The following LYPD6B variants were observed in gnomAD, a reference collection of about 807,000 sequenced individuals.
The protein encoded by LYPD6B is LY6/PLAUR domain containing 6B, also known as ly6/PLAUR domain-containing protein 6B.
LYPD6B carries 17 observed loss-of-function variants against 22.8 expected under a neutral mutation model. The observed-to-expected ratio is 0.75, with a 90% confidence interval of 0.51 to 1.12. LYPD6B has a LOEUF of 1.12. Among genes scored for constraint, LYPD6B ranks in the 50% most tolerant of loss-of-function variants. The pLI, the probability that LYPD6B is intolerant of heterozygous loss-of-function variation, is 0.00. For synonymous variants in LYPD6B, 106 were observed against 91.6 expected (o/e 1.16, Z -0.90); for missense variants, 221 against 258.3 (o/e 0.86, Z 0.99).
At chr2:149,190,503 A>G (rs1188588542) in intron 3 of LYPD6B, among the ~76,000 whole-genome samples, 1 of 152,218 alleles carries the variant, frequency 6.6e-6, no homozygotes, top group African/African-American at 2.4e-5. Flanking sequence ...AAATTGCTCC[A>G]TAGGGTTTGT....
At chr2:149,118,210 T>C (rs1048165448) in intron 1 of LYPD6B, 1 of 152,210 alleles carries the variant, frequency 6.6e-6, no homozygotes, top group Non-Finnish European at 1.5e-5. Context: ...TACATAGCTG[T>C]GACTACCAGG....
Position 149,200,431 on chromosome 2 carries a change from C to G in LYPD6B, c.78-4822C>G, listed in dbSNP as rs117599307. 8.7e-4 allele frequency among the ~76,000 whole-genome samples: 132 copies of G among 152,156 alleles called. 1 individual carries two copies. The East Asian group carries it at 0.024, about 28-fold the overall frequency. Reference sequence around the variant, plus strand: ...TGTCTTGCTTACTAGCTAAGGCACTCTTTATAGGTCATAGCTAATGAGGTT... The same window carrying G: ...TGTCTTGCTTACTAGCTAAGGCACTGTTTATAGGTCATAGCTAATGAGGTT... On this transcript the variant is annotated intron_variant, in intron 3 of 6. Transcript: ENST00000409642.
At chr2:149,074,285 C>T (rs1013585353) in intron 1 of LYPD6B, among the ~76,000 whole-genome samples, 1 of 152,138 alleles carries the variant, frequency 6.6e-6, no homozygotes, top group Non-Finnish European at 1.5e-5. Context: ...CACACACACA[C>T]ACACGCACAT....
chr2:149,068,289 G>A (rs933072685), intron 1 of LYPD6B, among the ~76,000 whole-genome samples: 8 of 152,082 alleles, frequency 5.3e-5, no homozygotes, highest in Admixed American at 5.2e-4. Flanking sequence ...AAAACTTGGT[G>A]CATTTCTTAT....
intron 1 of LYPD6B, among the ~76,000 whole-genome samples, chr2:149,056,423 G>A (rs1272163002): frequency 6.6e-6 from 1 of 152,178 alleles, no homozygotes; most frequent in Non-Finnish European, 1.5e-5. Context: ...GGTGACCAAT[G>A]TGGGCTTCAC....
chr2:149,124,222 A>T (rs763086623), intron 1 of LYPD6B, among the ~76,000 whole-genome samples: 47 of 152,212 alleles, frequency 3.1e-4, no homozygotes, highest in Non-Finnish European at 5.3e-4. Flanking sequence ...ATGGCTTATA[A>T]ATACAACACT....
chr2:149,207,455 C>A (rs1693570683), intron 4 of LYPD6B, among the ~76,000 whole-genome samples: 1 of 151,808 alleles, frequency 6.6e-6, no homozygotes, highest in East Asian at 1.9e-4. Flanking sequence ...ACCTGGTCTA[C>A]ACAGAAATGT....
chr2:149,138,127 T>A lies in LYPD6B; in HGVS notation c.5+7174T>A, dbSNP rs114722933. 6.0e-3 allele frequency among the ~76,000 whole-genome samples: 911 copies of A among 152,352 alleles called. 10 individuals are homozygous for A. The highest frequency in any genetic ancestry group is 0.021 in the African/African-American group (873 of 41,586). On this transcript the variant is annotated intron_variant, in intron 2 of 6. Transcript: ENST00000409642. ...GTGTGATGACATTTTTCAATGAAAT[T>A]ACTTTTTTAAAAAACACAAATTATG...
intron 2 of LYPD6B, among the ~76,000 whole-genome samples, chr2:149,147,274 C>T (rs1689083944): frequency 1.3e-5 from 2 of 152,166 alleles, no homozygotes; most frequent in African/African-American, 4.8e-5. Flanking sequence ...GGAGGAAGAG[C>T]TATTATCAAT....
chr2:149,155,440 C>T (rs1048919174), intron 2 of LYPD6B, among the ~76,000 whole-genome samples: 3 of 152,222 alleles, frequency 2.0e-5, no homozygotes, highest in African/African-American at 7.2e-5. Context: ...GAACTCCCAG[C>T]CCATCACTGC....
chr2:149,118,345 A>G (rs904381160), intron 1 of LYPD6B: 2 of 152,220 alleles, frequency 1.3e-5, no homozygotes, highest in African/African-American at 4.8e-5. Context: ...AGGAATGCCA[A>G]CTGATAAATA....
chr2:149,095,239 T>A (rs1415494792), intron 1 of LYPD6B, among the ~76,000 whole-genome samples: 1 of 152,138 alleles, frequency 6.6e-6, no homozygotes, highest in South Asian at 2.1e-4. Flanking sequence ...GAGGTTGCAG[T>A]GAGCTGAGAT....
intron 1 of LYPD6B, among the ~76,000 whole-genome samples, chr2:149,039,391 G>A (rs1022545225): frequency 6.6e-6 from 1 of 152,234 alleles, no homozygotes; most frequent in Non-Finnish European, 1.5e-5. Context: ...TGACTCCAGG[G>A]GGCTTGGGTT....
chr2:149,089,408 G>A (rs1685544608), intron 1 of LYPD6B, among the ~76,000 whole-genome samples: 1 of 152,076 alleles, frequency 6.6e-6, no homozygotes, highest in African/African-American at 2.4e-5. Context: ...GGGATGATTG[G>A]TAACATACAT....
At chr2:149,059,330 T>G (rs1365679580) in intron 1 of LYPD6B, among the ~76,000 whole-genome samples, 5 of 152,260 alleles carry the variant, frequency 3.3e-5, no homozygotes, top group Admixed American at 2.0e-4. Context: ...CAGGGACTTT[T>G]GCGTTGCCAG....
At chr2:149,067,965 G>A (rs1375055013) in intron 1 of LYPD6B, among the ~76,000 whole-genome samples, 1 of 152,194 alleles carries the variant, frequency 6.6e-6, no homozygotes, top group Non-Finnish European at 1.5e-5. Context: ...AGGGGAGAGG[G>A]AGGGAATGAT....
intron 1 of LYPD6B, among the ~76,000 whole-genome samples, chr2:149,043,675 A>G (rs116707769): frequency 0.011 from 1,620 of 152,184 alleles, 27 homozygotes; most frequent in African/African-American, 0.035. Flanking sequence ...AATACATCCA[A>G]CTTTTATTGT....
chr2:149,169,450 ACT>A (rs1690672892), intron 3 of LYPD6B, among the ~76,000 whole-genome samples: 1 of 152,152 alleles, frequency 6.6e-6, no homozygotes, highest in Non-Finnish European at 1.5e-5. Context: ...AAGTCTTTAA[ACT>A]GGACTGCCAT....
At chr2:149,065,944 T>C (rs1052041902) in intron 1 of LYPD6B, among the ~76,000 whole-genome samples, 68 of 152,072 alleles carry the variant, frequency 4.5e-4, no homozygotes, top group African/African-American at 1.6e-3. Context: ...ACTCCTGAAC[T>C]CAAGAGATCT....
Sources: gnomAD v4.1 joint callset for allele counts (sites outside exome capture counted in the v4.1 genomes callset) on GRCh38, gnomAD v4.1.1 for gene constraint, MANE v1.5 for transcripts, NCBI Gene and HGNC (gene_info 2026-07-23, HGNC 2026-07-21) for gene names.